The following RAB30 variants were observed in gnomAD, a reference collection of about 807,000 sequenced individuals.
The protein encoded by RAB30 is RAB30, member RAS oncogene family.
A neutral mutation model predicts 25.1 loss-of-function variants in RAB30; 9 were observed. The ratio of observed to expected loss-of-function variants is 0.36; its 90% CI spans 0.22 to 0.63. RAB30 has a LOEUF of 0.63. Ranked by LOEUF, RAB30 falls within the 20% of genes least tolerant of loss-of-function variation. The pLI is 0.69. For missense variants in RAB30, 140 were observed against 243.5 expected (o/e 0.58, Z 2.83); for synonymous variants, 77 against 86.4 (o/e 0.89, Z 0.60).
intron 1 of RAB30, among the ~76,000 whole-genome samples, chr11:83,055,172 C>G (rs1858432849): frequency 6.6e-6 from 1 of 152,132 alleles, no homozygotes; most frequent in South Asian, 2.1e-4. Flanking sequence ...ATTAATAGCT[C>G]CAAAGTTGTT....
At chr11:83,008,048 GTC>G (rs1474127965) in intron 1 of RAB30, among the ~76,000 whole-genome samples, 1 of 152,188 alleles carries the variant, frequency 6.6e-6, no homozygotes, top group Non-Finnish European at 1.5e-5. Flanking sequence ...CAGGGACCGT[GTC>G]TAATCTTTCC....
At chr11:82,991,096 T>C (rs566595278) in intron 3 of RAB30, among the ~76,000 whole-genome samples, 1 of 152,080 alleles carries the variant, frequency 6.6e-6, no homozygotes, top group African/African-American at 2.4e-5. Context: ...GCCATACGAA[T>C]CACTGGTGGA....
chr11:83,052,809 C>T (rs1414475532), intron 1 of RAB30, among the ~76,000 whole-genome samples: 1 of 152,132 alleles, frequency 6.6e-6, no homozygotes, highest in Non-Finnish European at 1.5e-5. Flanking sequence ...AGAAGGGATC[C>T]ACTACAAACC....
At chr11:83,029,553 C>T (rs1446471934) in intron 1 of RAB30, among the ~76,000 whole-genome samples, 1 of 152,098 alleles carries the variant, frequency 6.6e-6, no homozygotes, top group Non-Finnish European at 1.5e-5. Context: ...AGGTATGAAC[C>T]TTAGCATCCA....
At position 82,973,609 on chromosome 11, in the gene RAB30, C is replaced by A. The variant is rs1480663806; in HGVS notation, c.*8556G>T. 6.6e-6 allele frequency: 1 copy of A among 152,126 alleles called. No homozygotes were observed. Among genetic ancestry groups the A allele is most frequent in the Non-Finnish European group, 1.5e-5 (1 of 68,012 alleles). 9.4% of individuals were successfully genotyped at this position (152,126 alleles called of 1,614,324 possible). On this transcript the variant is annotated 3_prime_UTR_variant, in exon 5 of 5. Coordinates refer to ENST00000527633, the MANE Select transcript of RAB30 (RefSeq NM_001286060.2). ...TAAATGACAGGCTCATAGAAAAATTCTTATGGATGTATTGGGGAGTTAGTC... is the reference window on the plus strand; with the variant it reads ...TAAATGACAGGCTCATAGAAAAATTATTATGGATGTATTGGGGAGTTAGTC...
intron 1 of RAB30, among the ~76,000 whole-genome samples, chr11:83,022,211 T>C (rs957274539): frequency 2.0e-5 from 3 of 152,078 alleles, no homozygotes; most frequent in African/African-American, 7.2e-5. Flanking sequence ...CAGGCTGGAA[T>C]CCAGTAGCAC....
chr11:82,992,736 A>ACAC, intron 3 of RAB30, among the ~76,000 whole-genome samples: 1 of 131,220 alleles, frequency 7.6e-6, no homozygotes, highest in African/African-American at 2.9e-5. Flanking sequence ...CTCTGTCACC[A>ACAC]ACACACACAC....
chr11:83,028,916 G>A (rs1201843108), intron 1 of RAB30, among the ~76,000 whole-genome samples: 2 of 152,078 alleles, frequency 1.3e-5, no homozygotes, highest in African/African-American at 4.8e-5. Flanking sequence ...ATGCACCTGT[G>A]GTCCCAGGTA....
At position 82,981,232 on chromosome 11, in the gene RAB30, CA is replaced by C. The variant is rs1361578211; in HGVS notation, c.*932del. Reference sequence around the variant, plus strand: ...ATCTGGTCTGTTTCCTCATACTACTCAAAATGTGTTAGAGCTAAGTTTTTAT... The same window carrying C: ...ATCTGGTCTGTTTCCTCATACTACTCAAATGTGTTAGAGCTAAGTTTTTAT... On this transcript the variant is annotated 3_prime_UTR_variant, in exon 5 of 5. Transcript: ENST00000527633. 5.3e-5 allele frequency: 8 copies of C among 152,188 alleles called. No homozygotes were observed. The highest frequency in any genetic ancestry group is 1.5e-5 in the Non-Finnish European group (1 of 68,038). The allele number at this position is 152,188 out of a possible 1,614,324, so 9.4% of individuals were successfully genotyped here.
chr11:82,999,213 C>T (rs373069805), intron 1 of RAB30, among the ~76,000 whole-genome samples: 1 of 152,186 alleles, frequency 6.6e-6, no homozygotes, highest in African/African-American at 2.4e-5. Context: ...TATTTACTAA[C>T]ACATTATCTG....
chr11:83,035,074 A>T (rs1187769964), intron 1 of RAB30, among the ~76,000 whole-genome samples: 1 of 151,344 alleles, frequency 6.6e-6, no homozygotes, highest in Admixed American at 6.6e-5. Context: ...TCCTCACAGC[A>T]ACTAGATAAG....
rs183685820 is a variant in RAB30 at position 83,013,069 on chromosome 11, A to T, written c.-8-15745T>A. 9.6e-3 allele frequency among the ~76,000 whole-genome samples: 1,463 copies of T among 151,870 alleles called. 8 individuals carry two copies. Among genetic ancestry groups the T allele is most frequent in the Non-Finnish European group, 0.015 (1,033 of 67,934 alleles). On this transcript the variant is annotated intron_variant, in intron 1 of 4. Coordinates refer to ENST00000527633, the MANE Select transcript of RAB30 (RefSeq NM_001286060.2). ...AGTTTCTCCATAGACACTTTTTTTT[A>T]AAATTTATTTTCATTTTTATTTTTA...
chr11:83,061,667 G>A (rs909171322), intron 1 of RAB30, among the ~76,000 whole-genome samples: 2 of 127,584 alleles, frequency 1.6e-5, no homozygotes, highest in Admixed American at 7.5e-5. Context: ...AATGTTTTTC[G>A]TTTGTTTTTT....
intron 3 of RAB30, among the ~76,000 whole-genome samples, chr11:82,990,969 T>C (rs968529437): frequency 1.3e-5 from 2 of 152,274 alleles, no homozygotes; most frequent in Admixed American, 1.3e-4. Context: ...TACAAAAATC[T>C]AATACCTTGG....
intron 4 of RAB30, 110 bp downstream of exon 4, chr11:82,987,477 T>C (rs1336667625): frequency 9.1e-7 from 1 of 1,104,134 alleles, no homozygotes; most frequent in East Asian, 2.6e-5. Flanking sequence ...ACTGCATGAA[T>C]TATTAGCTAA....
intron 1 of RAB30, among the ~76,000 whole-genome samples, chr11:83,024,991 G>A (rs776312835): frequency 2.6e-5 from 4 of 152,076 alleles, no homozygotes; most frequent in East Asian, 3.9e-4. Context: ...CCGTTTAACC[G>A]AGCATCCCAA....
intron 3 of RAB30, among the ~76,000 whole-genome samples, chr11:82,991,359 T>A (rs1446431426): frequency 6.6e-6 from 1 of 151,568 alleles, no homozygotes; most frequent in Non-Finnish European, 1.5e-5. Flanking sequence ...TAAAAATGAA[T>A]AGCTGGGCAT....
At chr11:83,065,354 C>A (rs1858672218) in intron 1 of RAB30, among the ~76,000 whole-genome samples, 1 of 151,972 alleles carries the variant, frequency 6.6e-6, no homozygotes, top group African/African-American at 2.4e-5. Context: ...CACACCACTG[C>A]ACTCTAGCCT....
intron 1 of RAB30, among the ~76,000 whole-genome samples, chr11:83,050,292 C>G (rs1016857618): frequency 2.0e-5 from 3 of 152,088 alleles, no homozygotes; most frequent in Admixed American, 2.0e-4. Flanking sequence ...GACCTGAATC[C>G]CTTTATTTAC....
Sources: gnomAD v4.1 joint callset for allele counts (sites outside exome capture counted in the v4.1 genomes callset) on GRCh38, gnomAD v4.1.1 for gene constraint, MANE v1.5 for transcripts, NCBI Gene and HGNC (gene_info 2026-07-23, HGNC 2026-07-21) for gene names.